The following ASAP1 variants were observed in gnomAD, a reference collection of about 807,000 sequenced individuals.
The protein encoded by ASAP1 is ArfGAP with SH3 domain, ankyrin repeat and PH domain 1, also known as arf-GAP with SH3 domain, ANK repeat and PH domain-containing protein 1.
A neutral mutation model predicts 145.2 loss-of-function variants in ASAP1; 43 were observed. That is an observed-to-expected ratio of 0.30 (90% CI 0.23 to 0.38). The LOEUF is 0.38. ASAP1 is among the 10% of genes least tolerant of loss of function. The probability of loss-of-function intolerance (pLI) is 1.00; values close to 1 mark genes in which losing one functional copy is unlikely to be tolerated. For missense variants in ASAP1, 1,018 were observed against 1,355.3 expected, an observed-to-expected ratio of 0.75 and a Z score of 3.91; for synonymous variants, 546 against 515.5, an observed-to-expected ratio of 1.06 and a Z score of -0.80.
At chr8:130,329,485 G>A (rs1824544839) in intron 3 of ASAP1, among the ~76,000 whole-genome samples, 1 of 152,144 alleles carries the variant, frequency 6.6e-6, no homozygotes, top group South Asian at 2.1e-4. Context: ...GAGGATCTTG[G>A]AGGTCAGCTG....
At chr8:130,090,339 C>G (rs2097502933) in intron 25 of ASAP1, among the ~76,000 whole-genome samples, 1 of 152,170 alleles carries the variant, frequency 6.6e-6, no homozygotes, top group African/African-American at 2.4e-5. Flanking sequence ...ATATGAAACG[C>G]TGATGTGAAA....
intron 3 of ASAP1, among the ~76,000 whole-genome samples, chr8:130,302,293 T>C (rs977838255): frequency 1.3e-5 from 2 of 152,180 alleles, no homozygotes; most frequent in African/African-American, 4.8e-5. Flanking sequence ...GCTAAAAGAA[T>C]AAATATTTTA....
At chr8:130,223,116 C>CA (rs1220025629) in intron 4 of ASAP1, among the ~76,000 whole-genome samples, 1 of 152,004 alleles carries the variant, frequency 6.6e-6, no homozygotes, top group African/African-American at 2.4e-5. Context: ...TGGAAAAATG[C>CA]AAAAAAATTA....
rs535420985 is a variant in ASAP1 at position 130,150,559 on chromosome 8, C to T, written c.1080+2177G>A. Among the ~76,000 whole-genome samples, 7 of 152,290 alleles carry T rather than the reference C, an allele frequency of 4.6e-5. No homozygotes were observed. The South Asian group carries it at 1.5e-3, about 32-fold the overall frequency. On this transcript the variant is annotated intron_variant, in intron 13 of 29. Coordinates refer to ENST00000518721, the MANE Select transcript of ASAP1 (RefSeq NM_018482.4). Reference sequence around the variant, plus strand: ...CAAATCCCAGGGGAGAGCTCTGCAGCAGAAGGCAAAGAGAGTTAGGGTATG... The same window carrying T: ...CAAATCCCAGGGGAGAGCTCTGCAGTAGAAGGCAAAGAGAGTTAGGGTATG...
At chr8:130,096,528 G>T (rs1225290870) in intron 24 of ASAP1, among the ~76,000 whole-genome samples, 1 of 152,222 alleles carries the variant, frequency 6.6e-6, no homozygotes, top group Non-Finnish European at 1.5e-5. Flanking sequence ...TGGCTACCAT[G>T]TGAAATAATG....
chr8:130,258,109 C>T (rs1055397245), intron 3 of ASAP1, among the ~76,000 whole-genome samples: 1 of 152,202 alleles, frequency 6.6e-6, no homozygotes, highest in Admixed American at 6.5e-5. Flanking sequence ...AGTCAGTGGG[C>T]CTACAGAGGC....
rs185462126 is a variant in ASAP1 at position 130,207,655 on chromosome 8, C to T, written c.405+6901G>A. Among the ~76,000 whole-genome samples the T allele has an allele frequency of 7.9e-4, 121 of 152,234 alleles. 1 individual carries two copies. Among genetic ancestry groups the T allele is most frequent in the South Asian group, 5.4e-3 (26 of 4,822 alleles). On this transcript the variant is annotated intron_variant, in intron 5 of 29. Transcript: ENST00000518721. Reference sequence around the variant, plus strand: ...AAGATGCTGAGTATTTTAATACAGGCCTCATTAAAAATCAAAACCCATGCA... The same window carrying T: ...AAGATGCTGAGTATTTTAATACAGGTCTCATTAAAAATCAAAACCCATGCA...
At chr8:130,347,203 C>T (rs1279063303) in intron 3 of ASAP1, among the ~76,000 whole-genome samples, 1 of 152,234 alleles carries the variant, frequency 6.6e-6, no homozygotes, top group Non-Finnish European at 1.5e-5. Context: ...GATTTAGTGG[C>T]AATGGGATGT....
At chr8:130,193,247 T>C (rs921052053) in intron 5 of ASAP1, among the ~76,000 whole-genome samples, 5 of 152,172 alleles carry the variant, frequency 3.3e-5, no homozygotes, top group Non-Finnish European at 7.4e-5. Context: ...CACACATCTA[T>C]AATCCCAGCT....
intron 3 of ASAP1, 65 bp downstream of exon 3, chr8:130,357,952 G>A: frequency 5.9e-6 from 9 of 1,535,090 alleles, no homozygotes; most frequent in Non-Finnish European, 7.9e-6. Context: ...AGCTCGGAGA[G>A]GAGATCCTCC....
At chr8:130,198,738 G>A (rs1815676909) in intron 5 of ASAP1, among the ~76,000 whole-genome samples, 1 of 152,190 alleles carries the variant, frequency 6.6e-6, no homozygotes, top group Non-Finnish European at 1.5e-5. Flanking sequence ...CAGATGATCA[G>A]GTTATTAATT....
chr8:130,069,558 G>C (rs1339291711), intron 27 of ASAP1: 1 of 152,096 alleles, frequency 6.6e-6, no homozygotes, highest in Non-Finnish European at 1.5e-5. Flanking sequence ...TTTTTTTGCT[G>C]TTGTTAAAAA....
At chr8:130,101,224 G>A (rs565301923) in intron 24 of ASAP1, among the ~76,000 whole-genome samples, 1 of 152,130 alleles carries the variant, frequency 6.6e-6, no homozygotes, top group African/African-American at 2.4e-5. Context: ...AATGACTCCA[G>A]CTTTTTTCTT....
intron 4 of ASAP1, among the ~76,000 whole-genome samples, chr8:130,236,139 T>A (rs61360310): frequency 1.3e-5 from 2 of 152,142 alleles, no homozygotes; most frequent in Non-Finnish European, 2.9e-5. Flanking sequence ...TCTGCTGCCT[T>A]CCCTTCCAGG....
At chr8:130,365,795 T>C (rs1393328163) in intron 2 of ASAP1, among the ~76,000 whole-genome samples, 1 of 152,130 alleles carries the variant, frequency 6.6e-6, no homozygotes, top group Admixed American at 6.5e-5. Context: ...AGATACTTAC[T>C]GAATAGAAGG....
intron 5 of ASAP1, 82 bp downstream of exon 5, chr8:130,214,474 A>G: frequency 3.0e-6 from 4 of 1,316,782 alleles, no homozygotes; most frequent in Non-Finnish European, 4.0e-6. Flanking sequence ...ATTGAGGGGG[A>G]AGGATTATTG....
intron 14 of ASAP1, among the ~76,000 whole-genome samples, chr8:130,135,906 G>A (rs907524920): frequency 1.3e-5 from 2 of 152,064 alleles, no homozygotes; most frequent in Non-Finnish European, 2.9e-5. Flanking sequence ...ATACAGTTTC[G>A]ACTACCCCTA....
chr8:130,242,016 G>A (rs998407784), intron 3 of ASAP1, among the ~76,000 whole-genome samples: 1 of 151,894 alleles, frequency 6.6e-6, no homozygotes, highest in Non-Finnish European at 1.5e-5. Context: ...TAAAATATTA[G>A]CATAGAACTT....
In ASAP1 at chr8:130,230,199, A is replaced by C. The variant is rs575465404; in HGVS notation, c.259+6723T>G. Among the ~76,000 whole-genome samples, 48 of 152,316 alleles carry C rather than the reference A, an allele frequency of 3.2e-4. 1 individual carries two copies. Among genetic ancestry groups the C allele is most frequent in the South Asian group, 8.3e-4 (4 of 4,824 alleles). Reference sequence around the variant, plus strand: ...GATGTACATTCCCCAAAGATAGAAGAAGCACACATCATTAAAAAATTAACT... The same window carrying C: ...GATGTACATTCCCCAAAGATAGAAGCAGCACACATCATTAAAAAATTAACT... On this transcript the variant is annotated intron_variant, in intron 4 of 29. Coordinates refer to ENST00000518721, the MANE Select transcript of ASAP1 (RefSeq NM_018482.4).
Sources: allele counts gnomAD v4.1 joint callset (sites outside exome capture counted in the v4.1 genomes callset), GRCh38; gene constraint gnomAD v4.1.1; transcripts MANE v1.5; gene names NCBI Gene and HGNC (gene_info 2026-07-23, HGNC 2026-07-21).